Variants in KANSL1L observed in about 807,000 individuals in gnomAD.
KANSL1L encodes KAT8 regulatory NSL complex subunit 1 like.
KANSL1L carries 25 observed loss-of-function variants against 108.6 expected under a neutral mutation model. The observed-to-expected ratio is 0.23, with a 90% CI of 0.17 to 0.32. The LOEUF (loss-of-function observed/expected upper bound fraction) is 0.32. Among genes scored for constraint, KANSL1L ranks in the 10% least tolerant of loss-of-function variants. The pLI is 1.00. For synonymous variants in KANSL1L, 405 were observed against 395.1 expected, an observed-to-expected ratio of 1.03 and a Z score of -0.30; for missense variants, 1,137 against 1,125.7, an observed-to-expected ratio of 1.01 and a Z score of -0.14.
At chr2:210,059,368 T>C (rs553883048) in intron 6 of KANSL1L, among the ~76,000 whole-genome samples, 1 of 152,174 alleles carries the variant, frequency 6.6e-6, no homozygotes, top group Non-Finnish European at 1.5e-5. Flanking sequence ...CAGCTGAATG[T>C]AGCCATATGA....
chr2:210,047,656 C>G (rs2094239745), intron 6 of KANSL1L, among the ~76,000 whole-genome samples: 1 of 152,152 alleles, frequency 6.6e-6, no homozygotes, highest in African/African-American at 2.4e-5. Context: ...AATAGTTTTT[C>G]CCATCTAAAT....
At chr2:210,172,571 T>C (rs1413356239), upstream of KANSL1L, among the ~76,000 whole-genome samples, 2 of 152,244 alleles carry the variant, frequency 1.3e-5, no homozygotes, top group Admixed American at 6.5e-5. Context: ...TTTTAATTAC[T>C]GAATAATTGC....
chr2:210,122,238 C>T (rs1214955066), intron 3 of KANSL1L, among the ~76,000 whole-genome samples: 1 of 152,030 alleles, frequency 6.6e-6, no homozygotes, highest in Non-Finnish European at 1.5e-5. Flanking sequence ...CTGTCCTGAG[C>T]ATAAAGAACA....
chr2:210,072,597 TCA>T (rs1315689768), intron 6 of KANSL1L, among the ~76,000 whole-genome samples: 1 of 152,172 alleles, frequency 6.6e-6, no homozygotes, highest in Admixed American at 6.5e-5. Flanking sequence ...CTTTAGATTC[TCA>T]TAAGGAGCAC....
At chr2:210,134,585 CTTACT>C (rs1440100701) in intron 2 of KANSL1L, among the ~76,000 whole-genome samples, 2 of 152,202 alleles carry the variant, frequency 1.3e-5, no homozygotes, top group Middle Eastern at 3.4e-3. Flanking sequence ...TAAATTTCAG[CTTACT>C]TTAAAGCTTT....
At chr2:210,077,178 C>T (rs532736919) in intron 5 of KANSL1L, among the ~76,000 whole-genome samples, 1 of 152,044 alleles carries the variant, frequency 6.6e-6, no homozygotes, top group South Asian at 2.1e-4. Context: ...TGGTGACTAT[C>T]ATACATTCAA....
rs1380479136 is a variant in KANSL1L, at chr2:210,154,553, T to C, written c.30A>G (p.Ala10=). MTPALREAT[A]KGISFSSLPS... is the part of the protein sequence containing the mutation. The stretch of plus-strand genomic sequence containing the variant: ...GCAAAGATGAAAAGCTGATACCCTT[T>C]GCTGTTGCCTCCCTCAGAGCTGGGG... The change falls in exon 2 of 15, where the codon GCA becomes GCG. Residue 10 remains alanine (A), a synonymous_variant. Transcript: ENST00000281772. 2 of 1,545,152 alleles carry C rather than the reference T, an allele frequency of 1.3e-6. No individual in the cohort carries two copies. The highest frequency in any genetic ancestry group is 1.7e-6 in the Non-Finnish European group (2 of 1,145,734).
At chr2:210,079,644 A>ATATATATATATATATGTG (rs2094570002) in intron 5 of KANSL1L, among the ~76,000 whole-genome samples, 1 of 8,976 alleles carries the variant, frequency 1.1e-4, no homozygotes, top group Non-Finnish European at 3.3e-4. Flanking sequence ...ATATATATAT[A>ATATATATATATATATGTG]TATATATATA....
At chr2:210,057,744 A>C (rs2094368671) in intron 6 of KANSL1L, among the ~76,000 whole-genome samples, 1 of 152,138 alleles carries the variant, frequency 6.6e-6, no homozygotes, top group African/African-American at 2.4e-5. Flanking sequence ...TACTTTTATA[A>C]TTTCTTACGC....
chr2:210,110,097 C>CT (rs1411035685), intron 3 of KANSL1L, among the ~76,000 whole-genome samples: 2 of 152,174 alleles, frequency 1.3e-5, no homozygotes, highest in Non-Finnish European at 2.9e-5. Context: ...CCACAGTTCT[C>CT]TGATGCATTC....
At chr2:210,155,525 T>C (rs1247450410) in intron 1 of KANSL1L, among the ~76,000 whole-genome samples, 2 of 152,234 alleles carry the variant, frequency 1.3e-5, no homozygotes, top group East Asian at 3.8e-4. Flanking sequence ...TCTAAACGTA[T>C]CTGCAATTTT....
At chr2:210,147,194 C>T (rs527583618) in intron 2 of KANSL1L, among the ~76,000 whole-genome samples, 26 of 152,336 alleles carry the variant, frequency 1.7e-4, no homozygotes, top group Non-Finnish European at 2.6e-4. Flanking sequence ...GGCATGGTCG[C>T]TCATGCTGTG....
intron 3 of KANSL1L, among the ~76,000 whole-genome samples, chr2:210,119,517 C>A (rs141038091): frequency 1.2e-4 from 19 of 152,018 alleles, no homozygotes; most frequent in Non-Finnish European, 2.5e-4. Context: ...ATTCCAGGGG[C>A]GCAAAGATGG....
Position 210,044,007 on chromosome 2 carries a change from G to C in KANSL1L, c.1853C>G (p.Ser618Cys). The change falls in exon 7 of 15, where the codon TCT (serine) becomes TGT (cysteine). Residue 618 changes from serine (S) to cysteine (C), a missense_variant. Ser to Cys is a moderately radical substitution (Grantham distance 112). This residue lies in a region of KANSL1L where 575 missense variants were observed against 567.1 expected (regional missense o/e 1.01). Coordinates refer to ENST00000281772, the MANE Select transcript of KANSL1L (RefSeq NM_152519.4). This position sits in a 1 kb window ranked among gnomAD's most constrained non-coding sequence, Gnocchi z 4.2. ...TWSSYEHNSE[S>C]YLLREHVSEL... Reference sequence around the variant, plus strand: ...TGATACATGTTCTCTTAATAGGTAAGACTCCGAATTGTGTTCATAGCTACT... The same window carrying C: ...TGATACATGTTCTCTTAATAGGTAACACTCCGAATTGTGTTCATAGCTACT... 1 of 1,609,306 alleles carries C rather than the reference G, an allele frequency of 6.2e-7. No individual in the cohort carries two copies. The highest frequency in any genetic ancestry group is 1.7e-5 in the Admixed American group (1 of 59,454).
chr2:210,023,415 C>T (rs1399131328), intron 14 of KANSL1L, among the ~76,000 whole-genome samples: 1 of 152,130 alleles, frequency 6.6e-6, no homozygotes, highest in African/African-American at 2.4e-5. Flanking sequence ...GAAATGCTGC[C>T]ATAGGCAGTG....
intron 8 of KANSL1L, among the ~76,000 whole-genome samples, chr2:210,034,422 G>A (rs1333396195): frequency 6.6e-6 from 1 of 152,148 alleles, no homozygotes; most frequent in African/African-American, 2.4e-5. Context: ...GACAAATTTG[G>A]GAACTGAACA....
chr2:210,102,508 C>T (rs964082434), intron 4 of KANSL1L, among the ~76,000 whole-genome samples: 1 of 152,102 alleles, frequency 6.6e-6, no homozygotes, highest in Non-Finnish European at 1.5e-5. Flanking sequence ...GCAAAAGAAA[C>T]TACCATCAGA....
intron 3 of KANSL1L, among the ~76,000 whole-genome samples, chr2:210,105,325 T>TAC (rs1177043139): frequency 6.8e-6 from 1 of 147,972 alleles, no homozygotes; most frequent in Non-Finnish European, 1.5e-5. Flanking sequence ...ATATATTATA[T>TAC]ACACACACAG....
chr2:210,087,959 A>T (rs1355073438), intron 5 of KANSL1L, among the ~76,000 whole-genome samples: 1 of 152,194 alleles, frequency 6.6e-6, no homozygotes, highest in East Asian at 1.9e-4. Flanking sequence ...CATTTGTGTG[A>T]TCATTTAGGT....
Sources: allele counts gnomAD v4.1 joint callset (sites outside exome capture counted in the v4.1 genomes callset), GRCh38; gene constraint gnomAD v4.1.1; regional missense constraint gnomAD v4.1.1; non-coding constraint Gnocchi (gnomAD v3.1); transcripts MANE v1.5; gene names NCBI Gene and HGNC (gene_info 2026-07-23, HGNC 2026-07-21).